NRXN1: variants seen among roughly 807,000 people sequenced by gnomAD.
NRXN1 encodes the protein neurexin-1.
NRXN1 carries 39 observed loss-of-function variants against 150.9 expected under a neutral mutation model. The observed-to-expected ratio is 0.26, with a 90% CI of 0.20 to 0.34. NRXN1 has a LOEUF of 0.34. NRXN1 is among the 10% of genes least tolerant of loss of function. NRXN1 has a pLI of 1.00. For missense variants in NRXN1, 1,815 were observed against 1,949.9 expected, an observed-to-expected ratio of 0.93 and a Z score of 1.30; for synonymous variants, 924 against 757.0, an observed-to-expected ratio of 1.22 and a Z score of -3.62.
At chr2:50,642,718 G>C (rs1444235923) in intron 5 of NRXN1, among the ~76,000 whole-genome samples, 1 of 151,926 alleles carries the variant, frequency 6.6e-6, no homozygotes, top group Non-Finnish European at 1.5e-5. Context: ...AAAATTGAAG[G>C]TAATAGTTTC....
At chr2:50,411,585 G>T (rs1260398245) in intron 17 of NRXN1, among the ~76,000 whole-genome samples, 1 of 150,712 alleles carries the variant, frequency 6.6e-6, no homozygotes, top group Non-Finnish European at 1.5e-5. Flanking sequence ...ACTGAGGAGT[G>T]TCTCTGCCCC....
chr2:49,944,856 A>G (rs1420756910), intron 21 of NRXN1, among the ~76,000 whole-genome samples: 6 of 152,226 alleles, frequency 3.9e-5, no homozygotes, highest in African/African-American at 1.4e-4. Context: ...GAATTAAAAT[A>G]ACATAGGTCT....
At chr2:50,903,975 T>C (rs1360144245) in intron 5 of NRXN1, among the ~76,000 whole-genome samples, 1 of 152,140 alleles carries the variant, frequency 6.6e-6, no homozygotes, top group Non-Finnish European at 1.5e-5. Context: ...TAGACAATCA[T>C]GGGAGAAAGC....
intron 5 of NRXN1, among the ~76,000 whole-genome samples, chr2:50,647,250 C>A (rs578213420): frequency 1.6e-4 from 25 of 151,870 alleles, no homozygotes; most frequent in South Asian, 6.2e-4. Flanking sequence ...TATTTTATAT[C>A]CACTTTTGAG....
intron 5 of NRXN1, among the ~76,000 whole-genome samples, chr2:50,861,452 T>C (rs746687364): frequency 4.6e-5 from 7 of 152,138 alleles, no homozygotes; most frequent in Admixed American, 1.3e-4. Flanking sequence ...AGGATTTTAC[T>C]AAAGCCACAC....
In NRXN1 at chr2:50,531,279, G is replaced by T; in HGVS notation, c.2295C>A (p.Asp765Glu). 6.2e-7 allele frequency: 1 copy of T among 1,613,576 alleles called. No individual in the cohort carries two copies. Among genetic ancestry groups the T allele is most frequent in the Non-Finnish European group, 8.5e-7 (1 of 1,179,718 alleles). The change falls in exon 11 of 23, where the codon GAC (aspartate) becomes GAA (glutamate). Residue 765 changes from aspartate (D) to glutamate (E), a missense_variant. Coordinates refer to ENST00000401669, the MANE Select transcript of NRXN1 (RefSeq NM_001330078.2). ...CTGCGTCTAGCTCCAGGCGGAGGGT[G>T]TCAGCAGAGTCTCTAGAAGTGGTTG... is the stretch of plus-strand genomic sequence containing the variant. ...LMATTSRDSA[D>E]TLRLELDAGR...
At chr2:50,565,642 G>A (rs2105422835) in intron 8 of NRXN1, among the ~76,000 whole-genome samples, 1 of 152,138 alleles carries the variant, frequency 6.6e-6, no homozygotes, top group East Asian at 1.9e-4. Context: ...AAAAACAATG[G>A]AAAATATTTT....
At chr2:51,019,320 T>C (rs566179587) in intron 2 of NRXN1, among the ~76,000 whole-genome samples, 1 of 152,232 alleles carries the variant, frequency 6.6e-6, no homozygotes, top group African/African-American at 2.4e-5. Context: ...AGTAGGACTA[T>C]GGTAAGACTA....
chr2:50,483,119 G>T (rs1436735561), intron 15 of NRXN1, among the ~76,000 whole-genome samples: 1 of 135,424 alleles, frequency 7.4e-6, no homozygotes, highest in Non-Finnish European at 1.5e-5. Flanking sequence ...GTCACCTCTG[G>T]TCATGCTCAC....
At chr2:50,124,030 G>C (rs1344827217) in intron 18 of NRXN1, among the ~76,000 whole-genome samples, 1 of 152,058 alleles carries the variant, frequency 6.6e-6, no homozygotes, top group African/African-American at 2.4e-5. Context: ...GCTATAAATA[G>C]AAAAAGGAAG....
chr2:50,476,923 G>T (rs1345046944), intron 15 of NRXN1, among the ~76,000 whole-genome samples: 1 of 152,154 alleles, frequency 6.6e-6, no homozygotes, highest in African/African-American at 2.4e-5. Context: ...CCAAGGGCCA[G>T]GTTGTCAGTT....
chr2:50,577,531 T>G (rs1253528607), intron 8 of NRXN1, among the ~76,000 whole-genome samples: 1 of 152,168 alleles, frequency 6.6e-6, no homozygotes, highest in Non-Finnish European at 1.5e-5. Context: ...ACTTATGTGT[T>G]TAGCTGAAGA....
chr2:50,357,155 T>C (rs1461991839), intron 17 of NRXN1, among the ~76,000 whole-genome samples: 1 of 152,050 alleles, frequency 6.6e-6, no homozygotes, highest in East Asian at 1.9e-4. Context: ...GTGGTATATA[T>C]CTGTGGTGCT....
intron 5 of NRXN1, among the ~76,000 whole-genome samples, chr2:50,843,844 TC>T (rs1381719647): frequency 1.3e-5 from 2 of 152,152 alleles, no homozygotes; most frequent in Non-Finnish European, 2.9e-5. Context: ...ACCCCTTCCC[TC>T]AAACGTCTCA....
chr2:50,022,274 G>A (rs937596050), intron 21 of NRXN1, among the ~76,000 whole-genome samples: 9 of 152,192 alleles, frequency 5.9e-5, no homozygotes, highest in Non-Finnish European at 8.8e-5. Context: ...GAGCCACTGC[G>A]CCCGGCTACA....
rs150962320 is a variant in NRXN1, at chr2:50,247,612, A to C, written c.3365-10642T>G. Among the ~76,000 whole-genome samples the C allele has an allele frequency of 7.0e-4, 106 of 152,244 alleles. 1 individual carries two copies. Among genetic ancestry groups the C allele is most frequent in the African/African-American group, 2.4e-3 (99 of 41,556 alleles). On this transcript the variant is annotated intron_variant, in intron 17 of 22. Transcript: ENST00000401669. Reference sequence around the variant, plus strand: ...CATAAGAAAACATCTAACAAACCCAAATTGAAGGACATTCTAGAAAATAAC... The same window carrying C: ...CATAAGAAAACATCTAACAAACCCACATTGAAGGACATTCTAGAAAATAAC...
chr2:50,832,489 C>T (rs1462296260), intron 5 of NRXN1, among the ~76,000 whole-genome samples: 2 of 152,062 alleles, frequency 1.3e-5, no homozygotes, highest in Non-Finnish European at 2.9e-5. Context: ...CTCATCTCTA[C>T]TAAAAATGTA....
At chr2:50,533,642 T>G (rs2093176375) in intron 10 of NRXN1, among the ~76,000 whole-genome samples, 1 of 152,148 alleles carries the variant, frequency 6.6e-6, no homozygotes, top group Admixed American at 6.6e-5. Context: ...TCAACCGTGT[T>G]CCTACTTTTT....
chr2:50,202,665 A>G (rs909707768), intron 18 of NRXN1, among the ~76,000 whole-genome samples: 3 of 152,198 alleles, frequency 2.0e-5, no homozygotes, highest in Non-Finnish European at 4.4e-5. Context: ...CAAAATTAAC[A>G]TATGTCTAGG....
Sources: gnomAD v4.1 joint callset for allele counts (sites outside exome capture counted in the v4.1 genomes callset) on GRCh38, gnomAD v4.1.1 for gene constraint, MANE v1.5 for transcripts, NCBI Gene and HGNC (gene_info 2026-07-23, HGNC 2026-07-21) for gene names.